Variants in MEIS2 observed in about 807,000 individuals in gnomAD.
MEIS2 encodes the protein Meis homeobox 2.
A neutral mutation model predicts 58.6 loss-of-function variants in MEIS2; 9 were observed. The observed-to-expected ratio is 0.15, with a 90% CI of 0.09 to 0.27. The LOEUF is 0.27. Ranked by LOEUF, MEIS2 falls within the 10% of genes least tolerant of loss-of-function variation. The pLI, the probability that MEIS2 is intolerant of heterozygous loss-of-function variation, is 1.00. For synonymous variants in MEIS2, 221 were observed against 228.4 expected, an observed-to-expected ratio of 0.97 and a Z score of 0.29; for missense variants, 427 against 635.0, an observed-to-expected ratio of 0.67 and a Z score of 3.52.
chr15:36,953,612 C>G (rs796473810), intron 8 of MEIS2, among the ~76,000 whole-genome samples: 12 of 152,252 alleles, frequency 7.9e-5, no homozygotes, highest in African/African-American at 2.9e-4. Flanking sequence ...ATAGGTTAAA[C>G]TTTTTCACAT....
intron 7 of MEIS2, among the ~76,000 whole-genome samples, chr15:37,065,228 C>T (rs1889756054): frequency 1.3e-5 from 2 of 152,122 alleles, no homozygotes; most frequent in South Asian, 4.1e-4. Flanking sequence ...AATGTAAGGT[C>T]ACAACATCTA....
chr15:37,045,651 G>A (rs950635910), intron 7 of MEIS2, among the ~76,000 whole-genome samples: 11 of 152,114 alleles, frequency 7.2e-5, no homozygotes, highest in African/African-American at 2.2e-4. Flanking sequence ...CCAGAAACAC[G>A]GGGAGGATGA....
Position 37,036,931 on chromosome 15 carries a change from T to C in MEIS2, c.783A>G (p.Ser261=). 1 of 1,613,648 alleles carries C rather than the reference T, an allele frequency of 6.2e-7. No individual in the cohort carries two copies. The highest frequency in any genetic ancestry group is 8.5e-7 in the Non-Finnish European group (1 of 1,179,882). ...GATCATCATCGTCACCTGTACCAGG[T>C]GAAGCTACACTGTTGTCTAAACCAT... ...QGDGLDNSVA[S]PGTGDDDDPD... The change falls in exon 8 of 12, where the codon TCA becomes TCG. Residue 261 remains serine (S), a synonymous_variant. Transcript: ENST00000561208.
intron 7 of MEIS2, among the ~76,000 whole-genome samples, chr15:37,059,133 C>T (rs73395416): frequency 0.022 from 3,292 of 152,242 alleles, 120 homozygotes; most frequent in African/African-American, 0.076. Flanking sequence ...AAAGTTTGCC[C>T]TCAGTGATCT....
In MEIS2 at chr15:37,041,176, T is replaced by A. The variant is rs556464568; in HGVS notation, c.755-4217A>T. 3.9e-5 allele frequency among the ~76,000 whole-genome samples: 6 copies of A among 152,344 alleles called. No homozygotes were observed. In the South Asian group the frequency reaches 1.2e-3, roughly 32 times the overall value. On this transcript the variant is annotated intron_variant, in intron 7 of 11. Transcript: ENST00000561208. ...AAGAAAGAAGCTATAGAACATTGGCTCTGTGCATTGGCACTAGCTAAAAAA... is the reference window on the plus strand; with the variant it reads ...AAGAAAGAAGCTATAGAACATTGGCACTGTGCATTGGCACTAGCTAAAAAA...
At chr15:36,930,136 GA>G (rs1789393313) in intron 9 of MEIS2, among the ~76,000 whole-genome samples, 1 of 149,404 alleles carries the variant, frequency 6.7e-6, no homozygotes, top group South Asian at 2.1e-4. Flanking sequence ...CCAGGAGACA[GA>G]GGTTACAGTG....
rs1894230682 is a variant in MEIS2, at chr15:37,096,238, G to A, written c.387+51C>T. The A allele has an allele frequency of 3.3e-6, 5 of 1,515,362 alleles. No individual in the cohort carries two copies. The Admixed American group carries it at 1.0e-4, about 31-fold the overall frequency. 93.9% of individuals were successfully genotyped at this position (1,515,362 alleles called of 1,614,324 possible). A position where few individuals can be genotyped will look rare whatever the true frequency, so the allele number is the denominator to read the frequency against. On this transcript the variant is annotated intron_variant, in intron 3 of 11. Coordinates refer to ENST00000561208, the MANE Select transcript of MEIS2 (RefSeq NM_170675.5). ...TTTCAAGTAAAGCTCCGAGGAAAGG[G>A]GAGGGGTAGTGAGGGACTGCCCGAA...
At chr15:36,997,489 CTT>C (rs11286332) in intron 8 of MEIS2, among the ~76,000 whole-genome samples, 284 of 136,270 alleles carry the variant, frequency 2.1e-3, no homozygotes, top group Non-Finnish European at 2.1e-3. Flanking sequence ...CTCTCTCTCT[CTT>C]TTTTTTTTTT....
At chr15:36,936,962 T>C (rs2058198702) in intron 9 of MEIS2, among the ~76,000 whole-genome samples, 2 of 152,236 alleles carry the variant, frequency 1.3e-5, no homozygotes, top group South Asian at 4.1e-4. Flanking sequence ...AGGAATATGC[T>C]TATTTTTGAA....
In MEIS2 at chr15:36,889,397, CATT is replaced by C. The variant is rs1162119095; in HGVS notation, c.*2773_*2775del. ...GCCTTCCGGGGTGGTGTAAAAAAAG[CATT>C]ATAAAAATTGGACAAATCTATCACT... is the stretch of plus-strand genomic sequence containing the variant. On this transcript the variant is annotated 3_prime_UTR_variant, in exon 12 of 12. Transcript: ENST00000561208. 1 of 151,614 alleles carries C rather than the reference CATT, an allele frequency of 6.6e-6. No homozygotes were observed. Among genetic ancestry groups the C allele is most frequent in the Non-Finnish European group, 1.5e-5 (1 of 67,968 alleles). 9.4% of individuals were successfully genotyped at this position (151,614 alleles called of 1,614,324 possible).
intron 9 of MEIS2, among the ~76,000 whole-genome samples, chr15:36,918,646 GT>G (rs1336369477): frequency 6.6e-6 from 1 of 152,178 alleles, no homozygotes; most frequent in African/African-American, 2.4e-5. Context: ...GTGGCCATGG[GT>G]GTGCAGAAAA....
chr15:37,085,093 T>G (rs1567277875), intron 6 of MEIS2, among the ~76,000 whole-genome samples: 1 of 152,170 alleles, frequency 6.6e-6, no homozygotes, highest in Non-Finnish European at 1.5e-5. Flanking sequence ...ATACAAATTT[T>G]ACAAAGTATA....
chr15:36,926,886 A>C (rs1441289437), intron 9 of MEIS2, among the ~76,000 whole-genome samples: 2 of 152,210 alleles, frequency 1.3e-5, no homozygotes, highest in African/African-American at 2.4e-5. Flanking sequence ...TGTACTTTAT[A>C]ATCACATTAT....
intron 9 of MEIS2, among the ~76,000 whole-genome samples, chr15:36,900,838 G>T (rs1260169950): frequency 2.0e-5 from 3 of 152,200 alleles, no homozygotes; most frequent in African/African-American, 4.8e-5. Flanking sequence ...CCTGTTTGTT[G>T]TTGGTTTCTT....
chr15:37,070,947 G>T (rs776383248), intron 7 of MEIS2, among the ~76,000 whole-genome samples: 2 of 151,990 alleles, frequency 1.3e-5, no homozygotes, highest in Admixed American at 6.6e-5. Flanking sequence ...CCGTATTTCA[G>T]GGAAGCATAC....
At chr15:37,038,256 T>C (rs887342797) in intron 7 of MEIS2, among the ~76,000 whole-genome samples, 1 of 152,236 alleles carries the variant, frequency 6.6e-6, no homozygotes, top group African/African-American at 2.4e-5. Flanking sequence ...TTCTGAGGAA[T>C]ACTAGAGATC....
intron 8 of MEIS2, among the ~76,000 whole-genome samples, chr15:37,017,314 A>G (rs1162029710): frequency 6.6e-6 from 1 of 152,202 alleles, no homozygotes; most frequent in Non-Finnish European, 1.5e-5. Flanking sequence ...TCGTCTACAC[A>G]GAGTGTGGGC....
intron 8 of MEIS2, among the ~76,000 whole-genome samples, chr15:36,977,783 T>G (rs1030125375): frequency 6.6e-6 from 1 of 152,222 alleles, no homozygotes; most frequent in African/African-American, 2.4e-5. Context: ...GATCTTTATC[T>G]TCTTGAGTGT....
intron 9 of MEIS2, among the ~76,000 whole-genome samples, chr15:36,912,519 A>T (rs2057079132): frequency 6.6e-6 from 1 of 152,230 alleles, no homozygotes; most frequent in African/African-American, 2.4e-5. Flanking sequence ...AGCAAACTGT[A>T]CAATAAAGGA....
Sources: allele counts gnomAD v4.1 joint callset (sites outside exome capture counted in the v4.1 genomes callset), GRCh38; gene constraint gnomAD v4.1.1; transcripts MANE v1.5; gene names NCBI Gene and HGNC (gene_info 2026-07-23, HGNC 2026-07-21).